MINK1: variants seen among roughly 807,000 people sequenced by gnomAD.
MINK1 encodes misshapen-like kinase 1.
MINK1 carries 46 observed loss-of-function variants against 178.4 expected under a neutral mutation model. That is an observed-to-expected ratio of 0.26 (90% CI 0.20 to 0.33). The LOEUF is 0.33. Ranked by LOEUF, MINK1 falls within the 10% of genes least tolerant of loss-of-function variation. The pLI is 1.00. For missense variants in MINK1, 1,366 were observed against 1,814.9 expected, an observed-to-expected ratio of 0.75 and a Z score of 4.49; for synonymous variants, 797 against 709.7, an observed-to-expected ratio of 1.12 and a Z score of -1.96.
At position 4,851,023 on chromosome 17, in the gene MINK1, C is replaced by A. The variant is rs111226411; in HGVS notation, c.57+17383C>A. The A allele has an allele frequency of 1.3e-4, 59 of 459,010 alleles. 1 individual carries two copies. The highest frequency in any genetic ancestry group is 8.4e-4 in the African/African-American group (42 of 50,152). 28.4% of individuals were successfully genotyped at this position (459,010 alleles called of 1,614,324 possible). On this transcript the variant is annotated intron_variant, in intron 1 of 31. Transcript: ENST00000355280. ...TCAGCCTGCCTCCGAGGCCACAGAT[C>A]TGGTTTTCCTCCCTTCTGTCTCACC...
intron 1 of MINK1, chr17:4,868,947 G>A: frequency 5.2e-6 from 1 of 193,052 alleles, no homozygotes; most frequent in South Asian, 5.7e-5. Context: ...TTTTTGAGGT[G>A]GAGTCTCGCT....
In MINK1 at chr17:4,897,260, G is replaced by A. The variant is rs900437107; in HGVS notation, c.3972G>A (p.Leu1324=). Residue 1324 remains leucine, a synonymous_variant, in exon 32 of 32, where the codon CTG becomes CTA. Coordinates refer to ENST00000355280, the MANE Select transcript of MINK1 (RefSeq NM_153827.5). ...GGSSQVYFMT[L]NRNCIMNW Reference sequence around the variant, plus strand: ...GCAGCCAAGTTTACTTCATGACTCTGAACCGTAACTGCATCATGAACTGGT... The same window carrying A: ...GCAGCCAAGTTTACTTCATGACTCTAAACCGTAACTGCATCATGAACTGGT... 2 of 1,613,756 alleles carry A rather than the reference G, an allele frequency of 1.2e-6. No homozygotes were observed. Among genetic ancestry groups the A allele is most frequent in the Non-Finnish European group, 8.5e-7 (1 of 1,179,742 alleles).
intron 1 of MINK1, chr17:4,875,248 G>T (rs1967079939): frequency 2.0e-6 from 1 of 511,960 alleles, no homozygotes; most frequent in Middle Eastern, 3.3e-4. Flanking sequence ...AAGACCTCTT[G>T]TTAGCCCCCT....
intron 21 of MINK1, 151 bp downstream of exon 21, chr17:4,893,748 TC>T: frequency 8.4e-7 from 1 of 1,194,874 alleles, no homozygotes; most frequent in Non-Finnish European, 1.1e-6. Flanking sequence ...CCTGTCTCTC[TC>T]CCGCTGCCCT....
rs376402224 is a variant in MINK1 at position 4,893,090 on chromosome 17, T to A, written c.2400+23T>A. On this transcript the variant is annotated intron_variant, in intron 20 of 31. Transcript: ENST00000355280. Reference sequence around the variant, plus strand: ...GCAGTGAGTCACCTGGTGGCAGGCATGGCCTGCCTCATCCTGGTTTGGGGC... The same window carrying A: ...GCAGTGAGTCACCTGGTGGCAGGCAAGGCCTGCCTCATCCTGGTTTGGGGC... 9.1e-4 allele frequency: 1,401 copies of A among 1,547,114 alleles called. 1 individual carries two copies. Among genetic ancestry groups the A allele is most frequent in the Non-Finnish European group, 1.0e-3 (1,184 of 1,145,098 alleles).
rs1199361786 is a variant in MINK1, at chr17:4,887,588, T to C, written c.1028T>C (p.Met343Thr). 1 of 1,528,648 alleles carries C rather than the reference T, an allele frequency of 6.5e-7. No individual in the cohort carries two copies. The highest frequency in any genetic ancestry group is 8.8e-7 in the Non-Finnish European group (1 of 1,139,286). 94.7% of individuals were successfully genotyped at this position (1,528,648 alleles called of 1,614,324 possible). The stretch of plus-strand genomic sequence containing the variant: ...GTGCCACCCCTGCCCAGCTCCATCA[T>C]GAACGTGCCTGGAGAGTCGACTCTA... ...HGEEGEPSSIMNVPGESTLRR... is the reference protein window; with the variant it reads ...HGEEGEPSSITNVPGESTLRR... Residue 343 changes from methionine (M) to threonine (T), a missense_variant, in exon 12 of 32, where the codon ATG (methionine) becomes ACG (threonine). This residue lies in a region of MINK1 where 56 missense variants were observed against 64.0 expected (regional missense o/e 0.87). Transcript: ENST00000355280. This position sits in a 1 kb window ranked among gnomAD's most constrained non-coding sequence, Gnocchi z 7.6.
Position 4,889,735 on chromosome 17 carries a change from A to G in MINK1, c.1319A>G (p.Glu440Gly). 6.5e-7 allele frequency: 1 copy of G among 1,546,318 alleles called. No individual in the cohort carries two copies. The highest frequency in any genetic ancestry group is 2.4e-5 in the East Asian group (1 of 41,102). Residue 440 changes from glutamate to glycine, a missense_variant, in exon 13 of 32, where the codon GAG becomes GGG. By Grantham distance (98) the Glu-to-Gly change is moderately conservative. Around this residue, in one of 14 missense-constraint regions of MINK1, gnomAD observed 87 missense variants for 78.9 expected, o/e 1.10. Coordinates refer to ENST00000355280, the MANE Select transcript of MINK1 (RefSeq NM_153827.5). The part of the protein sequence containing the change: ...LEDMQALRRE[E>G]ERRQAEREQE... ...GACATGCAGGCTCTGCGGCGGGAGG[A>G]GGAGCGGCGGCAGGCGGAGCGCGAG...
chr17:4,875,465 A>C lies in MINK1; in HGVS notation c.58-2852A>C, dbSNP rs1967096833. 2.2e-5 allele frequency: 10 copies of C among 453,646 alleles called. 1 individual carries two copies. The highest frequency in any genetic ancestry group is 1.4e-4 in the South Asian group (9 of 64,432). 28.1% of individuals were successfully genotyped at this position (453,646 alleles called of 1,614,324 possible). ...ACTCCCACCTGGGCAACAGAGCGAG[A>C]TCTGACTCTAAAAAAACAAAAATGA... On this transcript the variant is annotated intron_variant, in intron 1 of 31. Transcript: ENST00000355280.
chr17:4,836,938 G>A lies in MINK1; in HGVS notation c.57+3298G>A, dbSNP rs1909387770. ...CACGACCGTAATCCCAGCACTTTGGGAGGCCGAGGCAGATGGATCACCTGA... is the reference window on the plus strand; with the variant it reads ...CACGACCGTAATCCCAGCACTTTGGAAGGCCGAGGCAGATGGATCACCTGA... On this transcript the variant is annotated intron_variant, in intron 1 of 31. Coordinates refer to ENST00000355280, the MANE Select transcript of MINK1 (RefSeq NM_153827.5). This position sits in a 1 kb window ranked among gnomAD's most constrained non-coding sequence, Gnocchi z 4.3. Among the ~76,000 whole-genome samples, 1 of 152,068 alleles carries A rather than the reference G, an allele frequency of 6.6e-6. No homozygotes were observed. Among genetic ancestry groups the A allele is most frequent in the African/African-American group, 2.4e-5 (1 of 41,412 alleles).
chr17:4,835,549 C>T (rs909362543), intron 1 of MINK1, among the ~76,000 whole-genome samples: 1 of 152,186 alleles, frequency 6.6e-6, no homozygotes, highest in Non-Finnish European at 1.5e-5. Context: ...ACTGCTTGAA[C>T]TGGGGAGGTG....
chr17:4,840,338 C>G (rs1331208141), intron 1 of MINK1, among the ~76,000 whole-genome samples: 2 of 151,982 alleles, frequency 1.3e-5, no homozygotes, highest in Non-Finnish European at 2.9e-5. Context: ...GGTGGAAACT[C>G]CAGGCTTAAT....
Position 4,860,732 on chromosome 17 carries a change from T to C in MINK1, c.58-17585T>C, listed in dbSNP as rs76697707. The C allele has an allele frequency of 4.6e-4, 239 of 520,030 alleles. 2 individuals carry two copies. In the East Asian group the frequency reaches 0.012, roughly 27 times the overall value. 32.2% of individuals were successfully genotyped at this position (520,030 alleles called of 1,614,324 possible). ...CAAGGGCTCAAGGCTGGTGTGTGCC[T>C]GGTTCTCCCCTGGTCAGTTCTAGGG... On this transcript the variant is annotated intron_variant, in intron 1 of 31. Coordinates refer to ENST00000355280, the MANE Select transcript of MINK1 (RefSeq NM_153827.5).
In MINK1 at chr17:4,887,507, C is replaced by T. The variant is rs1411719763; in HGVS notation, c.1020-73C>T. On this transcript the variant is annotated intron_variant, in intron 11 of 31. Coordinates refer to ENST00000355280, the MANE Select transcript of MINK1 (RefSeq NM_153827.5). The surrounding 1 kb of genome is among the most constrained non-coding windows in gnomAD (Gnocchi z 7.6). ...GATCCAGTTAAAGCACCCACTCAGG[C>T]GGGCCCACGGGGTTGAGAGTGGGAA... is the stretch of plus-strand genomic sequence containing the variant. 8 of 1,328,560 alleles carry T rather than the reference C, an allele frequency of 6.0e-6. No homozygotes were observed. The East Asian group carries it at 2.0e-4, about 33-fold the overall frequency. 82.3% of individuals were successfully genotyped at this position (1,328,560 alleles called of 1,614,324 possible). A position where few individuals can be genotyped will look rare whatever the true frequency, so the allele number is the denominator to read the frequency against.
At position 4,889,724 on chromosome 17, in the gene MINK1, G is replaced by A; in HGVS notation, c.1308G>A (p.Leu436=). ...GGCGGCTGGAGGACATGCAGGCTCT[G>A]CGGCGGGAGGAGGAGCGGCGGCAGG... The part of the protein sequence containing the change: ...QQRRLEDMQA[L]RREEERRQAE... The change falls in exon 13 of 32, where the codon CTG becomes CTA. Residue 436 remains leucine (L), a synonymous_variant. Coordinates refer to ENST00000355280, the MANE Select transcript of MINK1 (RefSeq NM_153827.5). 2.6e-6 allele frequency: 4 copies of A among 1,550,922 alleles called. No homozygotes were observed. Among genetic ancestry groups the A allele is most frequent in the Non-Finnish European group, 8.7e-7 (1 of 1,150,516 alleles).
chr17:4,877,911 C>T (rs7218188), intron 1 of MINK1, among the ~76,000 whole-genome samples: 10 of 151,062 alleles, frequency 6.6e-5, no homozygotes, highest in Admixed American at 3.3e-4. Context: ...CCCAGGTTCA[C>T]GCCATTCTCC....
At chr17:4,856,378 T>C (rs1913141615) in intron 1 of MINK1, among the ~76,000 whole-genome samples, 1 of 151,974 alleles carries the variant, frequency 6.6e-6, no homozygotes, top group Admixed American at 6.6e-5. Context: ...TCCTGCCACT[T>C]CCCTGTCTCC....
chr17:4,890,415 A>G (rs1244723941), intron 13 of MINK1, 102 bp from the exon 14 acceptor site: 1 of 1,482,286 alleles, frequency 6.7e-7, no homozygotes, highest in East Asian at 2.5e-5. Flanking sequence ...CATCAAGGGA[A>G]TACATCTCCT....
chr17:4,884,887 A>C (rs1335154740), intron 5 of MINK1, 25 bp from the exon 6 acceptor site: 3 of 1,608,218 alleles, frequency 1.9e-6, no homozygotes, highest in Non-Finnish European at 2.6e-6. Flanking sequence ...CACCATGGCT[A>C]ATTTTCCCTG....
chr17:4,885,650 A>G lies in MINK1; in HGVS notation c.639+37A>G, dbSNP rs767654355. ...AAAGTTGGGAGCATGGGGGCTGCCA[A>G]GGGCGGGAAGCAATATGGGGACCAC... On this transcript the variant is annotated intron_variant, in intron 7 of 31. Transcript: ENST00000355280. This position sits in a 1 kb window ranked among gnomAD's most constrained non-coding sequence, Gnocchi z 5.0. The G allele has an allele frequency of 6.2e-7, 1 of 1,612,520 alleles. No individual in the cohort carries two copies. Among genetic ancestry groups the G allele is most frequent in the Non-Finnish European group, 8.5e-7 (1 of 1,179,058 alleles).
Sources: gnomAD v4.1 joint callset for allele counts (sites outside exome capture counted in the v4.1 genomes callset) on GRCh38, gnomAD v4.1.1 for gene constraint, gnomAD v4.1.1 regional missense constraint, Gnocchi (gnomAD v3.1) non-coding constraint, MANE v1.5 for transcripts, NCBI Gene and HGNC (gene_info 2026-07-23, HGNC 2026-07-21) for gene names.